Variants in DDX60L observed in about 807,000 individuals in gnomAD.
The protein encoded by DDX60L is DExD/H-box 60 like.
DDX60L carries 191 observed loss-of-function variants against 211.6 expected under a neutral mutation model. The observed-to-expected ratio is 0.90, with a 90% CI of 0.80 to 1.02. The LOEUF (loss-of-function observed/expected upper bound fraction) is 1.02. Among genes scored for constraint, DDX60L ranks in the 50% least tolerant of loss-of-function variants. The pLI, the probability that DDX60L is intolerant of heterozygous loss-of-function variation, is 0.00. For missense variants in DDX60L, 2,007 were observed against 1,984.1 expected (o/e 1.01, Z -0.22); for synonymous variants, 706 against 694.1 (o/e 1.02, Z -0.27).
At chr4:168,421,500 C>CA (rs1330745110) in intron 17 of DDX60L, among the ~76,000 whole-genome samples, 12 of 152,070 alleles carry the variant, frequency 7.9e-5, no homozygotes, top group Non-Finnish European at 1.6e-4. Context: ...ACTAAAAACA[C>CA]AAAAATTAGC....
intron 11 of DDX60L, 100 bp from the exon 12 acceptor site, chr4:168,432,670 A>G: frequency 1.5e-6 from 1 of 659,130 alleles, no homozygotes; most frequent in Non-Finnish European, 2.4e-6. Context: ...CTCTTTTTCT[A>G]TTTGTGTGAT....
Position 168,373,710 on chromosome 4 carries a change from C to T in DDX60L, c.4732G>A (p.Gly1578Arg). Residue 1578 changes from glycine to arginine, a missense_variant, in exon 35 of 38, where the codon GGG becomes AGG. Physicochemically the swap from Gly to Arg is moderately radical, Grantham distance 125. Coordinates refer to ENST00000682922, the MANE Select transcript of DDX60L (RefSeq NM_001012967.3). ...CGAAGCAAATCATTATCTGTGTTCC[C>T]CGAAAGACAAACAAATGGTGAAATG... ...VAISPFVCLS[G>R]NTDNDLLRPE... 6.2e-7 allele frequency: 1 copy of T among 1,613,954 alleles called. No individual in the cohort carries two copies. The highest frequency in any genetic ancestry group is 8.5e-7 in the Non-Finnish European group (1 of 1,179,878).
Position 168,406,585 on chromosome 4 carries a change from T to C in DDX60L, c.3084+17A>G, listed in dbSNP as rs1384402637. The C allele has an allele frequency of 1.3e-6, 2 of 1,537,494 alleles. No homozygotes were observed. Among genetic ancestry groups the C allele is most frequent in the East Asian group, 2.4e-5 (1 of 42,016 alleles). On this transcript the variant is annotated intron_variant, in intron 23 of 37. Coordinates refer to ENST00000682922, the MANE Select transcript of DDX60L (RefSeq NM_001012967.3). ...TAACTAAAGTTCATTTTGGTGAATA[T>C]ATATTTCTATATTTACCTGAGCCCT...
At chr4:168,374,114 C>G (rs1741515157) in intron 34 of DDX60L, among the ~76,000 whole-genome samples, 1 of 151,912 alleles carries the variant, frequency 6.6e-6, no homozygotes, top group Admixed American at 6.6e-5. Context: ...GGATTTGGAG[C>G]TGGCATAAGA....
intron 10 of DDX60L, among the ~76,000 whole-genome samples, chr4:168,438,240 T>A (rs1753342491): frequency 6.6e-6 from 1 of 152,154 alleles, no homozygotes; most frequent in East Asian, 1.9e-4. Flanking sequence ...AATCTACCTA[T>A]AATCTGTAAG....
intron 37 of DDX60L, among the ~76,000 whole-genome samples, chr4:168,360,607 G>C (rs1738938215): frequency 6.6e-6 from 1 of 152,206 alleles, no homozygotes; most frequent in Non-Finnish European, 1.5e-5. Flanking sequence ...ACAAAAACTG[G>C]ATGACCAATG....
chr4:168,380,152 G>C lies in DDX60L; in HGVS notation c.4117-322C>G, dbSNP rs985748356. On this transcript the variant is annotated intron_variant, in intron 30 of 37. Transcript: ENST00000682922. The stretch of plus-strand genomic sequence containing the variant: ...GCCAATCCGGCTTACAAGATTAGTT[G>C]TCTTAGGCCATTCTAAAGGTAAATA... 1.0e-4 allele frequency: 22 copies of C among 211,464 alleles called. 1 individual carries two copies. Among genetic ancestry groups the C allele is most frequent in the Admixed American group, 3.4e-4 (6 of 17,714 alleles). 13.1% of individuals were successfully genotyped at this position (211,464 alleles called of 1,614,324 possible).
chr4:168,480,258 A>C (rs1410948281), intron 1 of DDX60L, 119 bp downstream of exon 1: 1 of 152,748 alleles, frequency 6.5e-6, no homozygotes, highest in Non-Finnish European at 1.5e-5. Flanking sequence ...GGCGCGCACG[A>C]AGCCACCAGG....
chr4:168,407,302 T>C (rs1291300485), intron 22 of DDX60L, among the ~76,000 whole-genome samples: 1 of 152,166 alleles, frequency 6.6e-6, no homozygotes, highest in Non-Finnish European at 1.5e-5. Context: ...TCAGCTTCCG[T>C]CTGAAGCCTT....
At position 168,406,063 on chromosome 4, in the gene DDX60L, C is replaced by A; in HGVS notation, c.3100G>T (p.Glu1034Ter). 1 of 1,595,228 alleles carries A rather than the reference C, an allele frequency of 6.3e-7. No homozygotes were observed. ...WPRAQELCPE[E>*]FILFKNKIVI... The stretch of plus-strand genomic sequence containing the variant: ...ATCTTATTCTTAAAAAGAATGAATT[C>A]CTCTGGACACAATTCCTTGGGGGGA... Residue 1034 changes from glutamate (E) to a stop codon, truncating the protein, a stop_gained, in exon 24 of 38, where the codon GAA becomes TAA. Coordinates refer to ENST00000682922, the MANE Select transcript of DDX60L (RefSeq NM_001012967.3). LOFTEE classifies it high-confidence loss of function.
intron 22 of DDX60L, 57 bp downstream of exon 22, chr4:168,415,351 C>T (rs1173184545): frequency 3.0e-6 from 3 of 999,644 alleles, no homozygotes; most frequent in Non-Finnish European, 1.5e-6. Flanking sequence ...AGTCCCTTTC[C>T]AGTTGCGATA....
chr4:168,373,880 TA>T, intron 34 of DDX60L, 72 bp from the exon 35 acceptor site: 1 of 1,492,574 alleles, frequency 6.7e-7, no homozygotes, highest in Non-Finnish European at 9.2e-7. Context: ...AAACTCACTG[TA>T]GGTCAAGCCA....
At chr4:168,401,348 A>G (rs1041286884) in intron 25 of DDX60L, among the ~76,000 whole-genome samples, 6 of 152,246 alleles carry the variant, frequency 3.9e-5, no homozygotes, top group Admixed American at 3.9e-4. Flanking sequence ...TCCCAATCAG[A>G]AAATTTTTAA....
chr4:168,366,386 T>C (rs1391800618), intron 36 of DDX60L, among the ~76,000 whole-genome samples: 1 of 151,968 alleles, frequency 6.6e-6, no homozygotes, highest in Non-Finnish European at 1.5e-5. Context: ...AACAAATTCA[T>C]TTACAATAGC....
At chr4:168,418,450 G>C (rs571449944) in intron 19 of DDX60L, among the ~76,000 whole-genome samples, 88 of 152,260 alleles carry the variant, frequency 5.8e-4, no homozygotes, top group Admixed American at 2.0e-3. Context: ...TAAAGATCAA[G>C]GTTTTTGTTT....
In DDX60L at chr4:168,471,672, C is replaced by A. The variant is rs1161755548; in HGVS notation, c.264+75G>T. 4.1e-6 allele frequency: 5 copies of A among 1,217,180 alleles called. No homozygotes were observed. In the African/African-American group the frequency reaches 4.7e-5, roughly 12 times the overall value. 75.4% of individuals were successfully genotyped at this position (1,217,180 alleles called of 1,614,324 possible). ...TATGATGACATGCTTCATTTTAGGT[C>A]AAAGGCTCTTTAGGTTAAGACATTT... is the stretch of plus-strand genomic sequence containing the variant. On this transcript the variant is annotated intron_variant, in intron 4 of 37. Transcript: ENST00000682922.
At position 168,416,847 on chromosome 4, in the gene DDX60L, T is replaced by C. The variant is rs765229195; in HGVS notation, c.2611-50A>G. The stretch of plus-strand genomic sequence containing the variant: ...GAAAAGTTGATGTCAAAATCGTAAA[T>C]AAAAAATAGAAGCATAAAATCATCA... On this transcript the variant is annotated intron_variant, in intron 19 of 37. Coordinates refer to ENST00000682922, the MANE Select transcript of DDX60L (RefSeq NM_001012967.3). 6 of 1,042,554 alleles carry C rather than the reference T, an allele frequency of 5.8e-6. No individual in the cohort carries two copies. The South Asian group carries it at 9.2e-5, about 16-fold the overall frequency. The allele number at this position is 1,042,554 out of a possible 1,614,324, so 64.6% of individuals were successfully genotyped here.
intron 25 of DDX60L, among the ~76,000 whole-genome samples, chr4:168,403,378 T>A (rs1458768767): frequency 6.6e-6 from 1 of 152,252 alleles, no homozygotes; most frequent in Non-Finnish European, 1.5e-5. Context: ...ATTTATTTTA[T>A]GCAAATTTTC....
intron 20 of DDX60L, 88 bp downstream of exon 20, chr4:168,416,594 G>A: frequency 1.4e-6 from 1 of 710,348 alleles, no homozygotes; most frequent in Non-Finnish European, 2.1e-6. Context: ...AGTTATCATA[G>A]AAAAAACCTT....
Sources: allele counts gnomAD v4.1 joint callset (sites outside exome capture counted in the v4.1 genomes callset), GRCh38; gene constraint gnomAD v4.1.1; transcripts MANE v1.5; gene names NCBI Gene and HGNC (gene_info 2026-07-23, HGNC 2026-07-21).